Variants in CDC27 observed in about 807,000 individuals in gnomAD.
The protein encoded by CDC27 is cell division cycle protein 27 homolog.
Under a neutral mutation model 109.7 loss-of-function variants are expected in CDC27, and 27 were observed. The observed-to-expected ratio is 0.25, with a 90% CI of 0.18 to 0.34. CDC27 has a LOEUF of 0.34. CDC27 is among the 10% of genes least tolerant of loss of function. The pLI is 1.00. For missense variants in CDC27, 579 were observed against 960.2 expected (o/e 0.60, Z 5.25); for synonymous variants, 266 against 333.9 (o/e 0.80, Z 2.22).
chr17:47,185,694 G>A (rs1708020013), intron 1 of CDC27, among the ~76,000 whole-genome samples: 1 of 152,076 alleles, frequency 6.6e-6, no homozygotes, highest in Admixed American at 6.5e-5. Context: ...GAGCCACTGT[G>A]CCCAGTCAGC....
chr17:47,161,006 T>C (rs2063481370), intron 4 of CDC27: 1 of 151,766 alleles, frequency 6.6e-6, no homozygotes, highest in African/African-American at 2.4e-5. Context: ...TTGGAAAACA[T>C]AAATAAGTTT....
chr17:47,144,714 TAA>T (rs2062901486), intron 9 of CDC27, among the ~76,000 whole-genome samples: 1 of 152,226 alleles, frequency 6.6e-6, no homozygotes, highest in South Asian at 2.1e-4. Flanking sequence ...ACTTGTGGAC[TAA>T]ACTATCTAAA....
chr17:47,179,153 C>CA (rs1381418995), intron 2 of CDC27, among the ~76,000 whole-genome samples: 5 of 152,148 alleles, frequency 3.3e-5, no homozygotes, highest in Non-Finnish European at 5.9e-5. Flanking sequence ...AAATGGGCGA[C>CA]AAAGAACTAG....
chr17:47,145,698 C>T (rs1002172624), intron 9 of CDC27, among the ~76,000 whole-genome samples: 6 of 152,046 alleles, frequency 3.9e-5, no homozygotes, highest in African/African-American at 1.4e-4. Flanking sequence ...GTCAAGAGAT[C>T]GAGATCATCC....
At chr17:47,129,339 T>C in intron 16 of CDC27, 54 bp downstream of exon 16, 1 of 1,263,364 alleles carries the variant, frequency 7.9e-7, no homozygotes. Context: ...AAACAAGGGA[T>C]AACGTTGTTT....
Position 47,137,419 on chromosome 17 carries a change from A to T in CDC27, c.1705-59T>A, listed in dbSNP as rs1163767183. ...TAAAATTTTACTTTTTCTAAAACCA[A>T]ATCTATGACTAAAATCAAGCCTCAA... On this transcript the variant is annotated intron_variant, in intron 13 of 18. Transcript: ENST00000066544. 4 of 979,086 alleles carry T rather than the reference A, an allele frequency of 4.1e-6. No homozygotes were observed. In the East Asian group the frequency reaches 1.2e-4, roughly 29 times the overall value. 60.6% of individuals were successfully genotyped at this position (979,086 alleles called of 1,614,324 possible). A position where few individuals can be genotyped will look rare whatever the true frequency, so the allele number is the denominator to read the frequency against.
chr17:47,123,836 C>G, intron 17 of CDC27, 50 bp downstream of exon 17: 1 of 1,290,272 alleles, frequency 7.8e-7, no homozygotes, highest in East Asian at 2.4e-5. Flanking sequence ...TATAAAATGT[C>G]ATTATTTGCT....
At position 47,127,126 on chromosome 17, in the gene CDC27, T is replaced by TA. The variant is rs367664829; in HGVS notation, c.2160+2266dup. On this transcript the variant is annotated intron_variant, in intron 16 of 18. Transcript: ENST00000066544. ...AAGGTTTTTAAAGACTCCAGTTAGATAAAAAAATTAGCTGAGCATGGTGGC... is the reference window on the plus strand; with the variant it reads ...AAGGTTTTTAAAGACTCCAGTTAGATAAAAAAAATTAGCTGAGCATGGTGGC... Among the ~76,000 whole-genome samples the TA allele has an allele frequency of 3.6e-3, 549 of 152,100 alleles. 6 individuals carry two copies. Among genetic ancestry groups the TA allele is most frequent in the African/African-American group, 0.013 (519 of 41,502 alleles).
chr17:47,121,398 C>CTATA (rs914529330), intron 18 of CDC27, among the ~76,000 whole-genome samples: 1 of 152,140 alleles, frequency 6.6e-6, no homozygotes, highest in Non-Finnish European at 1.5e-5. Context: ...GAAACACAGA[C>CTATA]TATAACCTTC....
intron 4 of CDC27, among the ~76,000 whole-genome samples, chr17:47,165,370 T>C (rs943626323): frequency 3.3e-5 from 5 of 152,226 alleles, no homozygotes; most frequent in African/African-American, 1.2e-4. Flanking sequence ...TCAGTAGTTT[T>C]TATTTTTAGC....
chr17:47,179,987 G>T (rs1290663736), intron 2 of CDC27, among the ~76,000 whole-genome samples: 1 of 152,168 alleles, frequency 6.6e-6, no homozygotes, highest in African/African-American at 2.4e-5. Flanking sequence ...CAGTGGCCGA[G>T]TACAGTGGCT....
intron 9 of CDC27, among the ~76,000 whole-genome samples, chr17:47,145,298 A>G (rs945706213): frequency 6.6e-6 from 1 of 152,210 alleles, no homozygotes; most frequent in Non-Finnish European, 1.5e-5. Flanking sequence ...TGAGAAAGCC[A>G]AAGCAGCCAG....
At position 47,119,388 on chromosome 17, in the gene CDC27, G is replaced by A. The variant is rs2061937734; in HGVS notation, c.*1547C>T. ...AATCCATGTTCAAATGAGATTAACAGTAAATTATAGAAAATTACTGAGTCT... is the reference window on the plus strand; with the variant it reads ...AATCCATGTTCAAATGAGATTAACAATAAATTATAGAAAATTACTGAGTCT... On this transcript the variant is annotated 3_prime_UTR_variant, in exon 19 of 19. Transcript: ENST00000066544. The A allele has an allele frequency of 6.6e-6, 1 of 152,110 alleles. No individual in the cohort carries two copies. Among genetic ancestry groups the A allele is most frequent in the African/African-American group, 2.4e-5 (1 of 41,436 alleles). The allele number at this position is 152,110 out of a possible 1,614,324, so 9.4% of individuals were successfully genotyped here.
intron 2 of CDC27, among the ~76,000 whole-genome samples, chr17:47,175,702 GC>G (rs1282887777): frequency 6.6e-6 from 1 of 152,174 alleles, no homozygotes; most frequent in African/African-American, 2.4e-5. Context: ...TGTAATTCCA[GC>G]TTCTTGGGAG....
rs1330375971 is a variant in CDC27, at chr17:47,164,787, A to G, written c.377+5130T>C. On this transcript the variant is annotated intron_variant, in intron 4 of 18. Coordinates refer to ENST00000066544, the MANE Select transcript of CDC27 (RefSeq NM_001256.6). ...AGCTGAGATTGTGCAACTGTACTCC[A>G]GCCTGAGCGACAGAGCGCAAGATTC... 3.3e-5 allele frequency among the ~76,000 whole-genome samples: 5 copies of G among 152,334 alleles called. No homozygotes were observed. In the East Asian group the frequency reaches 7.7e-4, roughly 23 times the overall value.
At chr17:47,124,459 T>C (rs1210014937) in intron 16 of CDC27, among the ~76,000 whole-genome samples, 1 of 152,124 alleles carries the variant, frequency 6.6e-6, no homozygotes, top group African/African-American at 2.4e-5. Flanking sequence ...AATTTTTGTA[T>C]TTTTAGTAGA....
intron 2 of CDC27, among the ~76,000 whole-genome samples, chr17:47,178,771 C>T (rs573519980): frequency 9.7e-4 from 147 of 151,816 alleles, no homozygotes; most frequent in African/African-American, 3.4e-3. Context: ...GATCAAATGG[C>T]AAATGAGTAT....
At chr17:47,149,304 A>G (rs1598475211) in intron 9 of CDC27, among the ~76,000 whole-genome samples, 2 of 151,654 alleles carry the variant, frequency 1.3e-5, no homozygotes, top group East Asian at 3.9e-4. Context: ...CAAGGTCAAG[A>G]GATCGGGACC....
intron 8 of CDC27, among the ~76,000 whole-genome samples, chr17:47,153,085 C>T (rs1266018367): frequency 6.6e-6 from 1 of 152,220 alleles, no homozygotes; most frequent in Admixed American, 6.5e-5. Context: ...GGGATCACTA[C>T]ATTCATCCAA....
Sources: gnomAD v4.1 joint callset for allele counts (sites outside exome capture counted in the v4.1 genomes callset) on GRCh38, gnomAD v4.1.1 for gene constraint, MANE v1.5 for transcripts, NCBI Gene and HGNC (gene_info 2026-07-23, HGNC 2026-07-21) for gene names.